The following NFATC1 variants were observed in gnomAD, a reference collection of about 807,000 sequenced individuals.
NFATC1 encodes the protein nuclear factor of activated T cells 1.
A neutral mutation model predicts 76.0 loss-of-function variants in NFATC1; 22 were observed. That is an observed-to-expected ratio of 0.29 (90% CI 0.21 to 0.41). NFATC1 has a LOEUF of 0.41. NFATC1 is among the 10% of genes least tolerant of loss of function. NFATC1 has a pLI of 1.00. For synonymous variants in NFATC1, 704 were observed against 613.1 expected (o/e 1.15, Z -2.19); for missense variants, 1,357 against 1,337.7 (o/e 1.01, Z -0.23).
intron 2 of NFATC1, among the ~76,000 whole-genome samples, chr18:79,427,688 T>C: frequency 1.4e-5 from 1 of 74,054 alleles, no homozygotes; most frequent in Non-Finnish European, 2.4e-5. Context: ...GCTGGATGGC[T>C]GGCCTCTGTG....
intron 8 of NFATC1, chr18:79,470,547 CA>C (rs1262195812): frequency 6.6e-6 from 1 of 152,236 alleles, no homozygotes; most frequent in Non-Finnish European, 1.5e-5. Context: ...TCCCCACAGG[CA>C]GCACAGGGAG....
At chr18:79,433,517 A>G in intron 2 of NFATC1, 62 bp from the exon 3 acceptor site, 1 of 1,593,456 alleles carries the variant, frequency 6.3e-7, no homozygotes, top group East Asian at 2.2e-5. Context: ...GAGCACGGGC[A>G]CGTGTGGCCC....
chr18:79,441,768 G>T (rs1466910696), intron 3 of NFATC1, among the ~76,000 whole-genome samples: 4 of 152,102 alleles, frequency 2.6e-5, no homozygotes, highest in African/African-American at 9.7e-5. Context: ...TGTGCTTCTG[G>T]CCCTGGGGTC....
intron 9 of NFATC1, 107 bp downstream of exon 9, chr18:79,487,044 G>A (rs2089524785): frequency 3.9e-6 from 5 of 1,286,484 alleles, no homozygotes; most frequent in Admixed American, 2.5e-5. Flanking sequence ...GAAGTGCACC[G>A]AGGCACCGGG....
intron 1 of NFATC1, among the ~76,000 whole-genome samples, chr18:79,405,056 G>C (rs2085387782): frequency 6.6e-6 from 1 of 152,200 alleles, no homozygotes; most frequent in African/African-American, 2.4e-5. Context: ...GTGGGACTAG[G>C]CTGGCCTGAG....
chr18:79,396,205 TC>T lies in NFATC1; in HGVS notation c.-16del. 2.7e-6 allele frequency: 4 copies of T among 1,460,448 alleles called. No homozygotes were observed. The highest frequency in any genetic ancestry group is 2.1e-5 in the Admixed American group (1 of 47,180). The allele number at this position is 1,460,448 out of a possible 1,614,324, so 90.5% of individuals were successfully genotyped here. ...CCTGTGCCTCCGCCCGCCGCTCCAC[TC>T]CCCGCCGCCGCCGCGCGGATGCCAA... On this transcript the variant is annotated 5_prime_UTR_variant, in exon 1 of 10. Transcript: ENST00000427363.
intron 3 of NFATC1, among the ~76,000 whole-genome samples, chr18:79,442,016 GC>G (rs2086996559): frequency 6.6e-6 from 1 of 152,204 alleles, no homozygotes; most frequent in Middle Eastern, 3.2e-3. Flanking sequence ...TGGCTCCGTG[GC>G]CCTGTCGGTG....
chr18:79,419,205 T>G (rs1275566166), intron 2 of NFATC1, among the ~76,000 whole-genome samples: 1 of 152,122 alleles, frequency 6.6e-6, no homozygotes, highest in African/African-American at 2.4e-5. Flanking sequence ...TTAAGTTTTG[T>G]GGAGACAGAG....
intron 1 of NFATC1, among the ~76,000 whole-genome samples, chr18:79,403,021 G>A (rs2085319378): frequency 1.3e-5 from 2 of 152,256 alleles, no homozygotes; most frequent in Admixed American, 6.5e-5. Flanking sequence ...GGACGTGGCC[G>A]GCCCTGAGCC....
chr18:79,411,528 G>A lies in NFATC1; in HGVS notation c.1226+27G>A, dbSNP rs745936820. 73 of 1,392,904 alleles carry A rather than the reference G, an allele frequency of 5.2e-5. No individual in the cohort carries two copies. The African/African-American group carries it at 9.4e-4, about 18-fold the overall frequency. 86.3% of individuals were successfully genotyped at this position (1,392,904 alleles called of 1,614,324 possible). The stretch of plus-strand genomic sequence containing the variant: ...TGAGCCGGCAGCGCGGGGCGGGACG[G>A]GGAGGCGAGGGGAGGCGCGGGGCGG... On this transcript the variant is annotated intron_variant, in intron 2 of 9. Coordinates refer to ENST00000427363, the MANE Select transcript of NFATC1 (RefSeq NM_001278669.2).
chr18:79,476,635 A>G (rs1322545171), intron 8 of NFATC1, among the ~76,000 whole-genome samples: 1 of 151,444 alleles, frequency 6.6e-6, no homozygotes, highest in African/African-American at 2.4e-5. Flanking sequence ...GAAGCCCCCC[A>G]CCGATGTTGC....
intron 8 of NFATC1, 88 bp from the exon 9 acceptor site, chr18:79,486,160 T>A: frequency 7.9e-7 from 1 of 1,261,456 alleles, no homozygotes; most frequent in Non-Finnish European, 1.1e-6. Context: ...GCCCTGTTGG[T>A]TTTGCGGAGG....
intron 1 of NFATC1, among the ~76,000 whole-genome samples, chr18:79,404,621 G>A (rs1007527812): frequency 1.3e-5 from 2 of 152,248 alleles, no homozygotes; most frequent in African/African-American, 2.4e-5. Flanking sequence ...TGAAGGGAAT[G>A]TTCCTTAAAA....
At chr18:79,458,498 C>T (rs1023481474) in intron 6 of NFATC1, among the ~76,000 whole-genome samples, 17 of 152,206 alleles carry the variant, frequency 1.1e-4, no homozygotes, top group Non-Finnish European at 1.8e-4. Flanking sequence ...GGGTCCTGGC[C>T]GGTCTGGGAG....
rs1600619201 is a variant in NFATC1, at chr18:79,410,779, C to A, written c.504C>A (p.Pro168=). 1 of 1,612,942 alleles carries A rather than the reference C, an allele frequency of 6.2e-7. No individual in the cohort carries two copies. The highest frequency in any genetic ancestry group is 8.5e-7 in the Non-Finnish European group (1 of 1,179,974). Residue 168 remains proline (P), a synonymous_variant, in exon 2 of 10, where the codon CCC becomes CCA. Transcript: ENST00000427363. This position sits in a 1 kb window ranked among gnomAD's most constrained non-coding sequence, Gnocchi z 6.7. ...CCAGCCTGGAGGCCTACAGAGACCCCTCGTGCCTGAGCCCGGCCAGCAGCC... is the reference window on the plus strand; with the variant it reads ...CCAGCCTGGAGGCCTACAGAGACCCATCGTGCCTGAGCCCGGCCAGCAGCC... ...SLPSLEAYRD[P]SCLSPASSLS...
At chr18:79,483,596 TCACTCCGGCGTGACCTCGTTCCTGGGGC>T (rs2089391095) in intron 8 of NFATC1, among the ~76,000 whole-genome samples, 1 of 131,898 alleles carries the variant, frequency 7.6e-6, no homozygotes, top group Non-Finnish European at 1.6e-5. Context: ...TCCTGGGGCG[TCACTCCGGCGTGACCTCGTTCCTGGGGC>T]GTCACTCTGG....
intron 1 of NFATC1, among the ~76,000 whole-genome samples, chr18:79,408,453 T>C (rs568683799): frequency 3.9e-5 from 6 of 152,360 alleles, no homozygotes; most frequent in South Asian, 4.1e-4. Flanking sequence ...CTAATAATGA[T>C]TTTAAAAAAT....
intron 3 of NFATC1, among the ~76,000 whole-genome samples, chr18:79,437,218 G>C (rs547412135): frequency 1.3e-5 from 2 of 152,240 alleles, no homozygotes; most frequent in African/African-American, 4.8e-5. Flanking sequence ...CCCCCTGTGC[G>C]TGTGAGGGGA....
At chr18:79,413,880 C>T (rs1234049833) in intron 2 of NFATC1, among the ~76,000 whole-genome samples, 1 of 152,136 alleles carries the variant, frequency 6.6e-6, no homozygotes, top group African/African-American at 2.4e-5. Flanking sequence ...GGAAGAATTC[C>T]GTGCCCACGT....
Sources: gnomAD v4.1 joint callset for allele counts (sites outside exome capture counted in the v4.1 genomes callset) on GRCh38, gnomAD v4.1.1 for gene constraint, Gnocchi (gnomAD v3.1) non-coding constraint, MANE v1.5 for transcripts, NCBI Gene and HGNC (gene_info 2026-07-23, HGNC 2026-07-21) for gene names.